GLI3: variants seen among roughly 807,000 people sequenced by gnomAD.
The protein encoded by GLI3 is transcription activator GLI3.
In GLI3, 20 loss-of-function variants were observed where a neutral mutation model predicts 100.8. The observed-to-expected ratio is 0.20, with a 90% CI of 0.14 to 0.29. The LOEUF (loss-of-function observed/expected upper bound fraction) is 0.29. Among genes scored for constraint, GLI3 ranks in the 10% least tolerant of loss-of-function variants. The pLI, the probability that GLI3 is intolerant of heterozygous loss-of-function variation, is 1.00. For missense variants in GLI3, 2,040 were observed against 2,128.5 expected (o/e 0.96, Z 0.82); for synonymous variants, 938 against 860.5 (o/e 1.09, Z -1.58).
Position 41,966,883 on chromosome 7 carries a change from G to A in GLI3, c.2432-242C>T, listed in dbSNP as rs1349790314. ...AAGCTTCCTTTACAAAAACAGGGGC[G>A]GCTGGAGATGGCCGCAGGCTGTAGT... On this transcript the variant is annotated intron_variant, in intron 14 of 14. Transcript: ENST00000395925. The surrounding 1 kb of genome is among the most constrained non-coding windows in gnomAD (Gnocchi z 5.8). 3.3e-5 allele frequency among the ~76,000 whole-genome samples: 5 copies of A among 152,218 alleles called. No individual in the cohort carries two copies. Among genetic ancestry groups the A allele is most frequent in the Admixed American group, 1.3e-4 (2 of 15,296 alleles).
At chr7:42,226,038 T>G (rs1269188920) in intron 1 of GLI3, among the ~76,000 whole-genome samples, 1 of 152,246 alleles carries the variant, frequency 6.6e-6, no homozygotes, top group Non-Finnish European at 1.5e-5. Context: ...CTTTTCATAT[T>G]CAGTGTTTCG....
At chr7:41,970,781 T>G (rs1787342755) in intron 13 of GLI3, among the ~76,000 whole-genome samples, 1 of 152,194 alleles carries the variant, frequency 6.6e-6, no homozygotes, top group South Asian at 2.1e-4. Context: ...ATCGGTTTCA[T>G]GACATAATCT....
chr7:42,069,043 G>A (rs1012418822), intron 4 of GLI3, among the ~76,000 whole-genome samples: 33 of 152,140 alleles, frequency 2.2e-4, no homozygotes, highest in African/African-American at 7.2e-4. Context: ...CCAGGCCCCC[G>A]CAACAGGTTT....
intron 2 of GLI3, among the ~76,000 whole-genome samples, chr7:42,194,381 T>C (rs1787884744): frequency 1.3e-5 from 2 of 152,362 alleles, no homozygotes; most frequent in South Asian, 4.1e-4. Context: ...GCAGCACTTT[T>C]TGCTCTATCT....
intron 3 of GLI3, among the ~76,000 whole-genome samples, chr7:42,082,399 G>C (rs917173530): frequency 6.6e-6 from 1 of 152,064 alleles, no homozygotes; most frequent in African/African-American, 2.4e-5. Flanking sequence ...TGGATGACAC[G>C]GCACCAGAAA....
At position 42,026,349 on chromosome 7, in the gene GLI3, T is replaced by C. The variant is rs1789112482; in HGVS notation, c.1092A>G (p.Leu364=). The C allele has an allele frequency of 6.2e-7, 1 of 1,613,954 alleles. No homozygotes were observed. The highest frequency in any genetic ancestry group is 1.3e-5 in the African/African-American group (1 of 74,852). ...PVSLHMHQQI[L]SRQQSLGSAF... ...CTGAACCTAAGCTCTGTTGTCGGCT[T>C]AGGATCTGCTGATGCATGTGGAGAG... Residue 364 remains leucine, a synonymous_variant, in exon 8 of 15, where the codon CTA becomes CTG. Transcript: ENST00000395925.
intron 4 of GLI3, among the ~76,000 whole-genome samples, chr7:42,064,259 G>T (rs544887565): frequency 6.6e-6 from 1 of 152,164 alleles, no homozygotes; most frequent in Admixed American, 6.5e-5. Flanking sequence ...GAATCCCCTT[G>T]TAAGTGTCCA....
intron 2 of GLI3, among the ~76,000 whole-genome samples, chr7:42,204,522 T>C (rs891804973): frequency 6.6e-6 from 1 of 152,208 alleles, no homozygotes; most frequent in Admixed American, 6.5e-5. Flanking sequence ...ATTATAAATA[T>C]CTTAACAGCA....
At chr7:42,240,969 C>T (rs535527568), upstream of GLI3, among the ~76,000 whole-genome samples, 1 of 152,188 alleles carries the variant, frequency 6.6e-6, no homozygotes, top group Non-Finnish European at 1.5e-5. Context: ...CACAGTAGCA[C>T]CCAGTTAATT....
chr7:42,064,538 T>G (rs2128748307), intron 4 of GLI3, among the ~76,000 whole-genome samples: 1 of 152,306 alleles, frequency 6.6e-6, no homozygotes, highest in South Asian at 2.1e-4. Flanking sequence ...CAGCACTATG[T>G]TTGAGTTTGC....
At chr7:42,099,651 C>T (rs1036686001) in intron 3 of GLI3, among the ~76,000 whole-genome samples, 2 of 152,144 alleles carry the variant, frequency 1.3e-5, no homozygotes, top group Non-Finnish European at 2.9e-5. Flanking sequence ...TCAAGTGATT[C>T]TCCTGAGTAG....
intron 1 of GLI3, chr7:42,227,653 G>A (rs1788608047): frequency 6.6e-6 from 1 of 152,146 alleles, no homozygotes; most frequent in South Asian, 2.1e-4. Context: ...CCACTGACCT[G>A]GTGACGCTGT....
At position 42,182,605 on chromosome 7, in the gene GLI3, T is replaced by TA. The variant is rs544418279; in HGVS notation, c.125-34138dup. ...TGGAAGACAAGGCCTCACATAGTAT[T>TA]AAAAAAACACATTTTTATATGCATA... On this transcript the variant is annotated intron_variant, in intron 2 of 14. Coordinates refer to ENST00000395925, the MANE Select transcript of GLI3 (RefSeq NM_000168.6). 7.7e-4 allele frequency among the ~76,000 whole-genome samples: 107 copies of TA among 138,504 alleles called. No homozygotes were observed. The Middle Eastern group carries it at 0.016, about 20-fold the overall frequency. The allele number at this position is 138,504 out of a possible 152,430, so 90.9% of individuals were successfully genotyped here.
At chr7:42,252,311 G>A (rs1789041276) in intron 1 of GLI3, among the ~76,000 whole-genome samples, 1 of 152,258 alleles carries the variant, frequency 6.6e-6, no homozygotes, top group East Asian at 1.9e-4. Context: ...TGAACACATA[G>A]AGGGGAACAA....
At chr7:42,256,939 CTTTAA>C (rs1031874206) in intron 1 of GLI3, among the ~76,000 whole-genome samples, 4 of 152,068 alleles carry the variant, frequency 2.6e-5, no homozygotes, top group Admixed American at 6.5e-5. Context: ...TTTAGATCTC[CTTTAA>C]TTTTTCTTTG....
intron 1 of GLI3, among the ~76,000 whole-genome samples, chr7:42,243,788 T>C (rs1431866999): frequency 6.6e-6 from 1 of 152,198 alleles, no homozygotes; most frequent in Non-Finnish European, 1.5e-5. Context: ...ATGTCTGTGC[T>C]CTGCCTCACC....
intron 1 of GLI3, among the ~76,000 whole-genome samples, chr7:42,225,971 A>G (rs1427254863): frequency 6.6e-6 from 1 of 152,238 alleles, no homozygotes; most frequent in Non-Finnish European, 1.5e-5. Context: ...CCTGTGACTT[A>G]CAGGACTCTG....
chr7:42,170,921 T>C (rs1349216136), intron 2 of GLI3, among the ~76,000 whole-genome samples: 1 of 152,188 alleles, frequency 6.6e-6, no homozygotes, highest in East Asian at 1.9e-4. Context: ...ATATAACCTG[T>C]GAGCTTTTTG....
Position 41,972,342 on chromosome 7 carries a change from G to A in GLI3, c.2098C>T (p.Pro700Ser), listed in dbSNP as rs1583741492. 6.2e-7 allele frequency: 1 copy of A among 1,613,786 alleles called. No homozygotes were observed. Among genetic ancestry groups the A allele is most frequent in the Non-Finnish European group, 8.5e-7 (1 of 1,179,766 alleles). The part of the protein sequence containing the change: ...LQVKTVKAEK[P>S]MTSQPSPGGQ... The stretch of plus-strand genomic sequence containing the variant: ...AAGGAGAGTGAATGACATACCATTG[G>A]CTTCTCTGCCTTGACGGTTTTCACC... Residue 700 changes from proline (P) to serine (S), a missense_variant, in exon 13 of 15, where the codon CCA (proline) becomes TCA (serine). Transcript: ENST00000395925. This position sits in a 1 kb window ranked among gnomAD's most constrained non-coding sequence, Gnocchi z 4.4.
Sources: allele counts gnomAD v4.1 joint callset (sites outside exome capture counted in the v4.1 genomes callset), GRCh38; gene constraint gnomAD v4.1.1; non-coding constraint Gnocchi (gnomAD v3.1); transcripts MANE v1.5; gene names NCBI Gene and HGNC (gene_info 2026-07-23, HGNC 2026-07-21).